MPP7: variants seen among roughly 807,000 people sequenced by gnomAD.
MPP7 encodes MAGUK p55 scaffold protein 7.
A neutral mutation model predicts 76.5 loss-of-function variants in MPP7; 60 were observed. The ratio of observed to expected loss-of-function variants is 0.78; its 90% CI spans 0.64 to 0.97. The LOEUF (loss-of-function observed/expected upper bound fraction) is 0.97. MPP7 is among the 50% of genes least tolerant of loss of function. The pLI is 0.00. For synonymous variants in MPP7, 237 were observed against 244.5 expected, an observed-to-expected ratio of 0.97 and a Z score of 0.29; for missense variants, 641 against 694.0, an observed-to-expected ratio of 0.92 and a Z score of 0.86.
chr10:28,159,116 CT>C (rs1325839907), intron 3 of MPP7, among the ~76,000 whole-genome samples: 1 of 152,112 alleles, frequency 6.6e-6, no homozygotes, highest in Non-Finnish European at 1.5e-5. Context: ...GTCCTGGAAG[CT>C]ACAGACTGCC....
chr10:28,285,027 G>T (rs1434035879), intron 1 of MPP7, among the ~76,000 whole-genome samples: 1 of 152,086 alleles, frequency 6.6e-6, no homozygotes, highest in Non-Finnish European at 1.5e-5. Context: ...CTAAAAACCA[G>T]ACAATTTAGC....
At chr10:28,204,142 T>A (rs940795102) in intron 2 of MPP7, among the ~76,000 whole-genome samples, 1 of 152,044 alleles carries the variant, frequency 6.6e-6, no homozygotes, top group Non-Finnish European at 1.5e-5. Context: ...CCTACAGGTG[T>A]GGTAAAATCG....
At chr10:28,084,547 TG>T (rs1426884963) in intron 12 of MPP7, among the ~76,000 whole-genome samples, 2 of 152,186 alleles carry the variant, frequency 1.3e-5, no homozygotes, top group African/African-American at 4.8e-5. Context: ...CCAGAATGCA[TG>T]TTAAATCTGA....
chr10:28,332,733 T>C (rs547933628), intron 1 of MPP7, among the ~76,000 whole-genome samples: 1 of 152,022 alleles, frequency 6.6e-6, no homozygotes, highest in Non-Finnish European at 1.5e-5. Flanking sequence ...ACAATCATAG[T>C]TCACTACAGC....
At chr10:28,268,734 CAAA>C (rs764435309) in intron 1 of MPP7, among the ~76,000 whole-genome samples, 8 of 94,716 alleles carry the variant, frequency 8.4e-5, no homozygotes, top group Admixed American at 1.1e-4. Context: ...GACTCTGTCT[CAAA>C]AAAAAAAAAA....
chr10:28,205,060 C>T (rs1021861878), intron 2 of MPP7, among the ~76,000 whole-genome samples: 2 of 152,126 alleles, frequency 1.3e-5, no homozygotes, highest in Non-Finnish European at 1.5e-5. Context: ...GTAATCCTAA[C>T]TAATATCCCA....
chr10:28,155,551 TTGTGCCACCACACTCCAGCC>T, intron 3 of MPP7, among the ~76,000 whole-genome samples: 1 of 146,200 alleles, frequency 6.8e-6, no homozygotes, highest in African/African-American at 2.6e-5. Flanking sequence ...TGAGCTCAGA[TTGTGCCACCACACTCCAGCC>T]TGGGCAACAG....
chr10:28,142,754 C>T (rs954630960), intron 5 of MPP7, among the ~76,000 whole-genome samples: 3 of 151,988 alleles, frequency 2.0e-5, no homozygotes, highest in Non-Finnish European at 4.4e-5. Context: ...GAATATTAGT[C>T]GAAAAGAGCT....
chr10:28,149,791 G>C (rs1343904323), intron 4 of MPP7, among the ~76,000 whole-genome samples, 191 bp downstream of exon 4: 1 of 152,178 alleles, frequency 6.6e-6, no homozygotes, highest in African/African-American at 2.4e-5. Context: ...AAAATTTTTA[G>C]AACAGAAAAG....
intron 3 of MPP7, among the ~76,000 whole-genome samples, chr10:28,195,121 C>A (rs966472024): frequency 2.0e-5 from 3 of 152,184 alleles, no homozygotes; most frequent in East Asian, 1.9e-4. Flanking sequence ...ATACAAATAG[C>A]CAATAAGCAC....
intron 12 of MPP7, among the ~76,000 whole-genome samples, chr10:28,077,928 T>C (rs1323556385): frequency 6.6e-6 from 1 of 152,202 alleles, no homozygotes; most frequent in Admixed American, 6.5e-5. Flanking sequence ...ATGGTTCACA[T>C]ACACTGTTAC....
intron 3 of MPP7, among the ~76,000 whole-genome samples, chr10:28,158,369 C>T (rs1049283734): frequency 1.3e-5 from 2 of 151,984 alleles, no homozygotes; most frequent in Non-Finnish European, 2.9e-5. Flanking sequence ...TATATACATA[C>T]ATACATAGGA....
chr10:28,228,901 T>C (rs1049833401), intron 2 of MPP7, among the ~76,000 whole-genome samples: 8 of 151,934 alleles, frequency 5.3e-5, no homozygotes, highest in African/African-American at 1.9e-4. Flanking sequence ...CCAAACAAGA[T>C]AGGTGAGAAT....
At position 28,056,495 on chromosome 10, in the gene MPP7, A is replaced by T. The variant is rs769383472; in HGVS notation, c.1536T>A (p.Ala512=). The change falls in exon 16 of 17, where the codon GCT becomes GCA. Residue 512 remains alanine, a synonymous_variant. Transcript: ENST00000683449. ...KIISSRDDQG[A]AKPFTEEDFQ... ...TTATACTTACTGTGAAGGGTTTTGC[A>T]GCACCTTGGTCATCTCTGCTTGAAA... is the stretch of plus-strand genomic sequence containing the variant. The T allele has an allele frequency of 3.7e-6, 6 of 1,612,868 alleles. No individual in the cohort carries two copies. The highest frequency in any genetic ancestry group is 5.1e-6 in the Non-Finnish European group (6 of 1,179,702).
At chr10:28,175,216 G>T (rs967578753) in intron 3 of MPP7, among the ~76,000 whole-genome samples, 2 of 152,196 alleles carry the variant, frequency 1.3e-5, no homozygotes, top group Middle Eastern at 3.4e-3. Context: ...CTTGAACCCA[G>T]GGGGCAGAGG....
intron 1 of MPP7, among the ~76,000 whole-genome samples, chr10:28,251,394 G>A (rs1240397601): frequency 3.3e-5 from 5 of 151,794 alleles, no homozygotes; most frequent in Non-Finnish European, 7.4e-5. Flanking sequence ...CCCGGGAGGC[G>A]GAGGTTACAG....
intron 5 of MPP7, among the ~76,000 whole-genome samples, chr10:28,143,016 G>A (rs1195824307): frequency 6.6e-6 from 1 of 152,010 alleles, no homozygotes; most frequent in African/African-American, 2.4e-5. Context: ...TAGCAGAAAA[G>A]CAGAAATAAC....
chr10:28,289,621 A>T (rs1045309040), intron 1 of MPP7, among the ~76,000 whole-genome samples: 2 of 152,182 alleles, frequency 1.3e-5, no homozygotes, highest in African/African-American at 4.8e-5. Flanking sequence ...GCCACTATGG[A>T]GACTTTGCCC....
intron 3 of MPP7, among the ~76,000 whole-genome samples, chr10:28,179,088 G>A (rs1338015771): frequency 6.6e-6 from 1 of 152,092 alleles, no homozygotes; most frequent in African/African-American, 2.4e-5. Flanking sequence ...AAGGTCCATT[G>A]GATCCAACCA....
Sources: allele counts gnomAD v4.1 joint callset (sites outside exome capture counted in the v4.1 genomes callset), GRCh38; gene constraint gnomAD v4.1.1; transcripts MANE v1.5; gene names NCBI Gene and HGNC (gene_info 2026-07-23, HGNC 2026-07-21).